MKNK1: variants seen among roughly 807,000 people sequenced by gnomAD.
MKNK1 encodes MAP kinase-interacting serine/threonine-protein kinase 1.
MKNK1 carries 30 observed loss-of-function variants against 49.3 expected under a neutral mutation model. That is an observed-to-expected ratio of 0.61 (90% CI 0.46 to 0.83). The LOEUF (loss-of-function observed/expected upper bound fraction) is 0.83, where lower values mean the gene tolerates loss of function less well. MKNK1 is among the 40% of genes least tolerant of loss of function. The pLI is 0.00. For missense variants in MKNK1, 423 were observed against 524.7 expected (o/e 0.81, Z 1.89); for synonymous variants, 176 against 201.7 (o/e 0.87, Z 1.08).
chr1:46,602,045 G>C (rs183063862), intron 1 of MKNK1, among the ~76,000 whole-genome samples: 330 of 152,308 alleles, frequency 2.2e-3, no homozygotes, highest in Non-Finnish European at 3.5e-3. Context: ...TGAAAGATGA[G>C]GAGGAGGAGG....
At chr1:46,568,617 T>A in intron 7 of MKNK1, 119 bp from the exon 8 acceptor site, 1 of 983,938 alleles carries the variant, frequency 1.0e-6, no homozygotes, top group Non-Finnish European at 1.6e-6. Flanking sequence ...TTATGGTACA[T>A]TAAAAAATCA....
At chr1:46,580,678 A>G (rs1314403570) in intron 3 of MKNK1, 51 bp from the exon 4 acceptor site, 2 of 1,325,624 alleles carry the variant, frequency 1.5e-6, no homozygotes, top group East Asian at 2.3e-5. Flanking sequence ...CCCTACTGCA[A>G]GCTCAGATGG....
At chr1:46,586,003 G>A (rs1672511702) in intron 2 of MKNK1, 1 of 1,128,428 alleles carries the variant, frequency 8.9e-7, no homozygotes, top group African/African-American at 1.6e-5. Flanking sequence ...AGGAAGATGG[G>A]TGAAGTGAAA....
chr1:46,565,950 T>C (rs1377710795), intron 8 of MKNK1, among the ~76,000 whole-genome samples: 1 of 152,224 alleles, frequency 6.6e-6, no homozygotes. Flanking sequence ...CTTTTCTTTT[T>C]CCTTTAGCCT....
At chr1:46,559,322 C>G (rs1386882381) in intron 12 of MKNK1, among the ~76,000 whole-genome samples, 1 of 152,198 alleles carries the variant, frequency 6.6e-6, no homozygotes, top group Non-Finnish European at 1.5e-5. Context: ...AGGTAGGAAC[C>G]CAAATTGGGC....
At chr1:46,585,883 T>G (rs759452543) in intron 2 of MKNK1, 1 of 1,349,286 alleles carries the variant, frequency 7.4e-7, no homozygotes, top group African/African-American at 1.5e-5. Context: ...CCTGGTATAT[T>G]CTGCATGGAT....
chr1:46,583,130 A>T, intron 3 of MKNK1, 98 bp downstream of exon 3: 1 of 909,544 alleles, frequency 1.1e-6, no homozygotes, highest in Non-Finnish European at 1.8e-6. Flanking sequence ...ATCTGGCTCT[A>T]ACTTGACGCA....
At chr1:46,581,917 C>G (rs140570076) in intron 3 of MKNK1, among the ~76,000 whole-genome samples, 427 of 152,280 alleles carry the variant, frequency 2.8e-3, no homozygotes, top group African/African-American at 9.5e-3. Flanking sequence ...CATCACAGCA[C>G]TAGCTGCCTG....
chr1:46,582,915 G>A (rs566157574), intron 3 of MKNK1: 7 of 536,350 alleles, frequency 1.3e-5, no homozygotes, highest in Admixed American at 8.9e-5. Flanking sequence ...GCTGAGGGAA[G>A]AATCACATCT....
chr1:46,593,348 A>G (rs1673599889), intron 2 of MKNK1, among the ~76,000 whole-genome samples: 2 of 152,074 alleles, frequency 1.3e-5, no homozygotes, highest in African/African-American at 4.8e-5. Flanking sequence ...ACAGGCGTGT[A>G]CCACCATGCT....
chr1:46,602,667 A>AGCTATC (rs1674891649), intron 1 of MKNK1, among the ~76,000 whole-genome samples: 1 of 151,376 alleles, frequency 6.6e-6, no homozygotes, highest in South Asian at 2.1e-4. Flanking sequence ...AAAGCTCATC[A>AGCTATC]GCTATTGTTA....
chr1:46,578,324 G>T (rs1000252703), intron 4 of MKNK1, among the ~76,000 whole-genome samples: 1 of 152,176 alleles, frequency 6.6e-6, no homozygotes, highest in Non-Finnish European at 1.5e-5. Context: ...GTGGGGCCAT[G>T]TTGGGAGAAG....
intron 2 of MKNK1, among the ~76,000 whole-genome samples, chr1:46,592,555 G>C (rs1673484847): frequency 6.6e-6 from 1 of 152,248 alleles, no homozygotes; most frequent in South Asian, 2.1e-4. Context: ...ACAAACTGGA[G>C]GCTAGAGCAA....
chr1:46,568,150 C>A, intron 8 of MKNK1: 1 of 292,904 alleles, frequency 3.4e-6, no homozygotes, highest in Non-Finnish European at 6.4e-6. Context: ...TTTACGACTT[C>A]CATCAACTGA....
At chr1:46,569,451 C>T (rs1333357397) in intron 7 of MKNK1, 2 of 152,258 alleles carry the variant, frequency 1.3e-5, no homozygotes, top group Non-Finnish European at 2.9e-5. Context: ...CCTTCCACAG[C>T]ACATGCAGCA....
rs1429163454 is a variant in MKNK1, at chr1:46,589,471, G to C, written c.-3+4642C>G. Among the ~76,000 whole-genome samples, 3 of 152,234 alleles carry C rather than the reference G, an allele frequency of 2.0e-5. No individual in the cohort carries two copies. Among genetic ancestry groups the C allele is most frequent in the South Asian group, 2.1e-4 (1 of 4,834 alleles). On this transcript the variant is annotated intron_variant, in intron 2 of 12. Coordinates refer to ENST00000371945, the MANE Select transcript of MKNK1 (RefSeq NM_001135553.4). This position sits in a 1 kb window ranked among gnomAD's most constrained non-coding sequence, Gnocchi z 4.3. Reference sequence around the variant, plus strand: ...GAGGGATGACATTAGCTCACAAGCAGTCTCATCGTCATCGATGATAATAAA... The same window carrying C: ...GAGGGATGACATTAGCTCACAAGCACTCTCATCGTCATCGATGATAATAAA...
intron 6 of MKNK1, 123 bp downstream of exon 6, chr1:46,574,824 G>GTT: frequency 1.5e-6 from 1 of 656,432 alleles, no homozygotes; most frequent in Non-Finnish European, 2.6e-6. Context: ...ATCAAGGGCA[G>GTT]TTTTTAAGTC....
chr1:46,590,122 C>G (rs1429557645), intron 2 of MKNK1, among the ~76,000 whole-genome samples: 1 of 152,146 alleles, frequency 6.6e-6, no homozygotes, highest in African/African-American at 2.4e-5. Flanking sequence ...TAATTACCAA[C>G]CCAGCTGCCT....
At chr1:46,603,865 A>G (rs1466217338) in intron 1 of MKNK1, among the ~76,000 whole-genome samples, 1 of 152,254 alleles carries the variant, frequency 6.6e-6, no homozygotes, top group Non-Finnish European at 1.5e-5. Flanking sequence ...GTGAAAAACT[A>G]TTCATGATAC....
Sources: allele counts gnomAD v4.1 joint callset (sites outside exome capture counted in the v4.1 genomes callset), GRCh38; gene constraint gnomAD v4.1.1; non-coding constraint Gnocchi (gnomAD v3.1); transcripts MANE v1.5; gene names NCBI Gene and HGNC (gene_info 2026-07-23, HGNC 2026-07-21).